The following KDM4B variants were observed in gnomAD, a reference collection of about 807,000 sequenced individuals.
The protein encoded by KDM4B is lysine-specific demethylase 4B.
Under a neutral mutation model 125.2 loss-of-function variants are expected in KDM4B, and 32 were observed. The ratio of observed to expected loss-of-function variants is 0.26; its 90% CI spans 0.19 to 0.34. The LOEUF is 0.34. Ranked by LOEUF, KDM4B falls within the 10% of genes least tolerant of loss-of-function variation. KDM4B has a pLI of 1.00. For synonymous variants in KDM4B, 721 were observed against 677.9 expected (o/e 1.06, Z -0.99); for missense variants, 1,190 against 1,577.7 (o/e 0.75, Z 4.16).
Position 5,150,346 on chromosome 19 carries a change from AT to A in KDM4B, c.3022-11del. The stretch of plus-strand genomic sequence containing the variant: ...GCAGTGCCAGGCCCCTGAGAGCCAC[AT>A]CCCCCTGCAGGTGGAGTTTGAGGAC... On this transcript the variant is annotated splice_polypyrimidine_tract_variant and intron_variant, in intron 21 of 22. Transcript: ENST00000159111. 1.3e-6 allele frequency: 2 copies of A among 1,549,126 alleles called. No homozygotes were observed. Among genetic ancestry groups the A allele is most frequent in the Non-Finnish European group, 1.7e-6 (2 of 1,145,198 alleles).
intron 1 of KDM4B, among the ~76,000 whole-genome samples, chr19:4,995,182 G>C (rs575679321): frequency 6.6e-6 from 1 of 152,270 alleles, no homozygotes; most frequent in African/African-American, 2.4e-5. Flanking sequence ...AAGGACACCA[G>C]CTCCCCTGTC....
chr19:5,039,803 A>C, intron 3 of KDM4B, 33 bp from the exon 4 acceptor site: 1 of 1,603,244 alleles, frequency 6.2e-7, no homozygotes, highest in Non-Finnish European at 8.5e-7. Context: ...TGAGGGTCTG[A>C]GGGTGCCACT....
At chr19:5,044,419 C>T (rs935482323) in intron 5 of KDM4B, among the ~76,000 whole-genome samples, 8 of 123,580 alleles carry the variant, frequency 6.5e-5, no homozygotes, top group Admixed American at 1.6e-4. Context: ...TTATCCCACG[C>T]GGTGTTTATC....
At chr19:5,050,878 C>T (rs1046732293) in intron 6 of KDM4B, among the ~76,000 whole-genome samples, 4 of 152,034 alleles carry the variant, frequency 2.6e-5, no homozygotes, top group South Asian at 2.1e-4. Flanking sequence ...CCAGCCTGGG[C>T]GACAGAGTGA....
At chr19:5,049,727 C>T (rs2037159149) in intron 6 of KDM4B, among the ~76,000 whole-genome samples, 1 of 152,134 alleles carries the variant, frequency 6.6e-6, no homozygotes, top group South Asian at 2.1e-4. Context: ...CAGCATTAGC[C>T]AACGTCTACT....
At chr19:4,993,580 T>G (rs1443173739) in intron 1 of KDM4B, among the ~76,000 whole-genome samples, 3 of 152,174 alleles carry the variant, frequency 2.0e-5, no homozygotes, top group Non-Finnish European at 2.9e-5. Flanking sequence ...TTTATCATTA[T>G]AAAATGTCCC....
At chr19:5,150,501 CT>C (rs1568329787) in intron 22 of KDM4B, 51 bp downstream of exon 22, 8 of 1,344,552 alleles carry the variant, frequency 5.9e-6, no homozygotes, top group Non-Finnish European at 8.3e-6. Flanking sequence ...GGGAGCCCGT[CT>C]GGGACGAGGC....
chr19:5,046,778 C>A (rs1351451581), intron 5 of KDM4B, among the ~76,000 whole-genome samples: 1 of 152,216 alleles, frequency 6.6e-6, no homozygotes, highest in Middle Eastern at 3.2e-3. Flanking sequence ...CCGGTACCAT[C>A]GCTGGGTTAG....
intron 1 of KDM4B, among the ~76,000 whole-genome samples, chr19:5,002,456 C>CT (rs2035420138): frequency 2.1e-5 from 3 of 145,734 alleles, no homozygotes; most frequent in African/African-American, 7.7e-5. Context: ...TTTCTCTCTC[C>CT]TTTCCTTTCC....
In KDM4B at chr19:5,141,278, G is replaced by A. The variant is rs970879594; in HGVS notation, c.2551-2689G>A. Reference sequence around the variant, plus strand: ...CGCCGGCCTGGCCGGGCACGGCCAGGCGATTAGGAAGCCGGCAGCCCGCGG... The same window carrying A: ...CGCCGGCCTGGCCGGGCACGGCCAGACGATTAGGAAGCCGGCAGCCCGCGG... On this transcript the variant is annotated intron_variant, in intron 18 of 22. Transcript: ENST00000159111. The surrounding 1 kb of genome is among the most constrained non-coding windows in gnomAD (Gnocchi z 6.4). 2 of 152,064 alleles carry A rather than the reference G, an allele frequency of 1.3e-5. No homozygotes were observed. The highest frequency in any genetic ancestry group is 2.1e-4 in the South Asian group (1 of 4,830). The allele number at this position is 152,064 out of a possible 1,614,324, so 9.4% of individuals were successfully genotyped here.
chr19:5,060,433 C>CAAAGAAA (rs2037551396), intron 6 of KDM4B, among the ~76,000 whole-genome samples: 1 of 32,946 alleles, frequency 3.0e-5, no homozygotes, highest in Non-Finnish European at 6.5e-5. Flanking sequence ...ACTCTGTCTC[C>CAAAGAAA]AAAAAAAAAA....
At chr19:5,083,447 G>T (rs530961306) in intron 9 of KDM4B, among the ~76,000 whole-genome samples, 1 of 152,224 alleles carries the variant, frequency 6.6e-6, no homozygotes, top group Admixed American at 6.5e-5. Context: ...CAGCTAGGAG[G>T]CCGTCTGGGC....
At chr19:5,123,470 G>C (rs1055627585) in intron 11 of KDM4B, among the ~76,000 whole-genome samples, 2 of 152,168 alleles carry the variant, frequency 1.3e-5, no homozygotes, top group African/African-American at 4.8e-5. Flanking sequence ...GGCCTGGCCC[G>C]CCCCAAGGGT....
chr19:5,086,485 C>T (rs1414938332), intron 9 of KDM4B, among the ~76,000 whole-genome samples: 1 of 152,258 alleles, frequency 6.6e-6, no homozygotes, highest in Non-Finnish European at 1.5e-5. Context: ...CACAGAGCCA[C>T]ACTCTGGCAT....
chr19:5,082,306 G>A lies in KDM4B; in HGVS notation c.781-61G>A, dbSNP rs936071926. 38 of 1,605,132 alleles carry A rather than the reference G, an allele frequency of 2.4e-5. No individual in the cohort carries two copies. The highest frequency in any genetic ancestry group is 3.0e-5 in the Non-Finnish European group (35 of 1,175,604). ...CTGGCACTTGCTGGGAAGTGCCCAC[G>A]TCCCATCCCCTGGTGCGCCTCTGGT... On this transcript the variant is annotated intron_variant, in intron 8 of 22. Coordinates refer to ENST00000159111, the MANE Select transcript of KDM4B (RefSeq NM_015015.3). This position sits in a 1 kb window ranked among gnomAD's most constrained non-coding sequence, Gnocchi z 5.4.
chr19:5,088,664 C>CG (rs1599593937), intron 9 of KDM4B, among the ~76,000 whole-genome samples: 4 of 101,384 alleles, frequency 3.9e-5, no homozygotes, highest in Non-Finnish European at 4.2e-5. Context: ...GGCCCCCCCC[C>CG]TCCCCCCCCC....
chr19:5,127,105 C>T (rs1452274393), intron 11 of KDM4B, among the ~76,000 whole-genome samples: 2 of 152,172 alleles, frequency 1.3e-5, no homozygotes, highest in African/African-American at 2.4e-5. Flanking sequence ...ACCTTCCCTC[C>T]ACCCAAAAAG....
intron 1 of KDM4B, among the ~76,000 whole-genome samples, chr19:4,987,921 G>A (rs73921820): frequency 6.6e-6 from 1 of 152,298 alleles, no homozygotes; most frequent in African/African-American, 2.4e-5. Flanking sequence ...TGAATGTGGA[G>A]TGGGGAGATC....
At chr19:5,067,390 C>T (rs781545204) in intron 6 of KDM4B, among the ~76,000 whole-genome samples, 29 of 152,284 alleles carry the variant, frequency 1.9e-4, no homozygotes, top group Admixed American at 9.8e-4. Context: ...GCAGACCCTC[C>T]GCACCCTGCC....
Sources: allele counts gnomAD v4.1 joint callset (sites outside exome capture counted in the v4.1 genomes callset), GRCh38; gene constraint gnomAD v4.1.1; non-coding constraint Gnocchi (gnomAD v3.1); transcripts MANE v1.5; gene names NCBI Gene and HGNC (gene_info 2026-07-23, HGNC 2026-07-21).